Variants in SLC6A11 observed in about 807,000 individuals in gnomAD.
SLC6A11 encodes the protein solute carrier family 6 member 11, also known as sodium- and chloride-dependent GABA transporter 3.
In SLC6A11, 25 loss-of-function variants were observed where a neutral mutation model predicts 74.8. The ratio of observed to expected loss-of-function variants is 0.33; its 90% CI spans 0.24 to 0.47. The LOEUF (loss-of-function observed/expected upper bound fraction) is 0.47. Ranked by LOEUF, SLC6A11 falls within the 20% of genes least tolerant of loss-of-function variation. The pLI, the probability that SLC6A11 is intolerant of heterozygous loss-of-function variation, is 1.00. For missense variants in SLC6A11, 574 were observed against 837.0 expected (o/e 0.69, Z 3.88); for synonymous variants, 330 against 330.2 (o/e 1.00, Z 0.01).
chr3:10,833,871 C>CAG (rs1694330827), intron 4 of SLC6A11, among the ~76,000 whole-genome samples: 1 of 152,184 alleles, frequency 6.6e-6, no homozygotes, highest in Non-Finnish European at 1.5e-5. Context: ...TTGTATTTTT[C>CAG]ACATTGGATG....
At chr3:10,934,795 C>G (rs1695736673) in intron 12 of SLC6A11, among the ~76,000 whole-genome samples, 1 of 152,200 alleles carries the variant, frequency 6.6e-6, no homozygotes, top group African/African-American at 2.4e-5. Flanking sequence ...CAGCGAGGTC[C>G]CAGAACCCAG....
chr3:10,841,332 TTCTCCAAG>T (rs1332349143), intron 4 of SLC6A11, among the ~76,000 whole-genome samples: 1 of 152,168 alleles, frequency 6.6e-6, no homozygotes, highest in Non-Finnish European at 1.5e-5. Context: ...GAGCTGTGCC[TTCTCCAAG>T]TCTCCGGAGT....
Position 10,918,413 on chromosome 3 carries a change from G to A in SLC6A11, c.1080G>A (p.Ala360=), listed in dbSNP as rs750373137. The A allele has an allele frequency of 1.9e-5, 30 of 1,607,052 alleles. No individual in the cohort carries two copies. The highest frequency in any genetic ancestry group is 2.1e-5 in the Non-Finnish European group (25 of 1,177,626). ...TCTTCTCAGTCCTGGGTTTTATGGC[G>A]TACGAGCAGGGGGTACCCATTGCTG... ...FAIFSVLGFM[A]YEQGVPIAEV... The change falls in exon 8 of 14, where the codon GCG becomes GCA. Residue 360 remains alanine (A), a synonymous_variant. Coordinates refer to ENST00000254488, the MANE Select transcript of SLC6A11 (RefSeq NM_014229.3). This position sits in a 1 kb window ranked among gnomAD's most constrained non-coding sequence, Gnocchi z 4.5.
intron 6 of SLC6A11, among the ~76,000 whole-genome samples, chr3:10,895,049 T>C (rs1403243846): frequency 6.6e-6 from 1 of 152,188 alleles, no homozygotes; most frequent in African/African-American, 2.4e-5. Context: ...CTTCTTCCTC[T>C]GTGAAGTGGA....
rs1695795421 is a variant in SLC6A11 at position 10,939,245 on chromosome 3, AT to A, written c.*846del. 6.6e-6 allele frequency: 1 copy of A among 151,972 alleles called. No homozygotes were observed. The highest frequency in any genetic ancestry group is 6.6e-5 in the Admixed American group (1 of 15,252). 9.4% of individuals were successfully genotyped at this position (151,972 alleles called of 1,614,324 possible). On this transcript the variant is annotated 3_prime_UTR_variant, in exon 14 of 14. Coordinates refer to ENST00000254488, the MANE Select transcript of SLC6A11 (RefSeq NM_014229.3). ...GATGTGTGTTTTCCCTAAAACTCTA[AT>A]TTCATCTCATCTGTGGGCAGCCCTG...
chr3:10,921,442 G>C (rs1695535827), intron 8 of SLC6A11, among the ~76,000 whole-genome samples: 1 of 152,156 alleles, frequency 6.6e-6, no homozygotes, highest in Non-Finnish European at 1.5e-5. Context: ...TATAGTCTTG[G>C]TCCAATTGTT....
Position 10,933,190 on chromosome 3 carries a change from G to A in SLC6A11, c.1411G>A (p.Ala471Thr), listed in dbSNP as rs1695713649. The A allele has an allele frequency of 3.1e-6, 5 of 1,614,010 alleles. No homozygotes were observed. The highest frequency in any genetic ancestry group is 4.5e-5 in the East Asian group (2 of 44,864). ...CTTCCAGCTCTTTGACTCCTATGCCGCCAGTGGGATGTGCCTTCTCTTCGT... is the reference window on the plus strand; with the variant it reads ...CTTCCAGCTCTTTGACTCCTATGCCACCAGTGGGATGTGCCTTCTCTTCGT... ...YIFQLFDSYA[A>T]SGMCLLFVAI... The change falls in exon 11 of 14, where the codon GCC becomes ACC. Residue 471 changes from alanine to threonine, a missense_variant. Transcript: ENST00000254488.
chr3:10,855,212 A>G (rs754255727), intron 5 of SLC6A11, among the ~76,000 whole-genome samples: 3 of 152,212 alleles, frequency 2.0e-5, no homozygotes, highest in Admixed American at 1.3e-4. Context: ...CTGCTGATAC[A>G]AGCATCCTGT....
chr3:10,817,818 GGAGA>G (rs1469825819), intron 1 of SLC6A11, among the ~76,000 whole-genome samples: 1 of 152,172 alleles, frequency 6.6e-6, no homozygotes, highest in African/African-American at 2.4e-5. Flanking sequence ...GCTTGGCAAG[GGAGA>G]GAGAGGGAGT....
chr3:10,845,630 G>A (rs1694493349), intron 5 of SLC6A11, among the ~76,000 whole-genome samples: 1 of 152,154 alleles, frequency 6.6e-6, no homozygotes, highest in Non-Finnish European at 1.5e-5. Flanking sequence ...AAAGTTTGAG[G>A]TGGGCGGATC....
At position 10,926,774 on chromosome 3, in the gene SLC6A11, C is replaced by G. The variant is rs1695614107; in HGVS notation, c.1233+658C>G. On this transcript the variant is annotated intron_variant, in intron 9 of 13. Coordinates refer to ENST00000254488, the MANE Select transcript of SLC6A11 (RefSeq NM_014229.3). This position sits in a 1 kb window ranked among gnomAD's most constrained non-coding sequence, Gnocchi z 5.7. ...CACACAGCACGCAGGCGCTCGCTTC[C>G]CGCACTGAGCACACTCCAGACTCCC... Among the ~76,000 whole-genome samples, 1 of 152,146 alleles carries G rather than the reference C, an allele frequency of 6.6e-6. No homozygotes were observed. Among genetic ancestry groups the G allele is most frequent in the Admixed American group, 6.5e-5 (1 of 15,284 alleles).
intron 13 of SLC6A11, among the ~76,000 whole-genome samples, chr3:10,935,610 C>T (rs527841243): frequency 3.7e-4 from 57 of 152,306 alleles, no homozygotes; most frequent in African/African-American, 1.3e-3. Flanking sequence ...GCTGTATCTC[C>T]TGCCATCCTC....
At chr3:10,884,729 G>A (rs1695022641) in intron 6 of SLC6A11, among the ~76,000 whole-genome samples, 1 of 152,076 alleles carries the variant, frequency 6.6e-6, no homozygotes, top group African/African-American at 2.4e-5. Context: ...TCTTAGCCTT[G>A]GGCAGCTTTA....
intron 7 of SLC6A11, among the ~76,000 whole-genome samples, chr3:10,912,542 G>A (rs564478985): frequency 1.4e-4 from 22 of 152,304 alleles, no homozygotes; most frequent in African/African-American, 2.6e-4. Context: ...TTGTTCTCTC[G>A]CCTACTATTT....
intron 6 of SLC6A11, among the ~76,000 whole-genome samples, chr3:10,908,167 G>C (rs896667879): frequency 6.6e-6 from 1 of 152,146 alleles, no homozygotes; most frequent in Non-Finnish European, 1.5e-5. Flanking sequence ...TGTGATGGTT[G>C]TATGTTCTGA....
intron 9 of SLC6A11, among the ~76,000 whole-genome samples, chr3:10,928,894 G>A (rs561587867): frequency 7.2e-5 from 11 of 152,288 alleles, no homozygotes; most frequent in African/African-American, 2.4e-4. Context: ...GGCAGCATGC[G>A]GGAGAAGGAG....
chr3:10,932,299 T>C (rs1490346054), intron 10 of SLC6A11, among the ~76,000 whole-genome samples: 1 of 152,130 alleles, frequency 6.6e-6, no homozygotes, highest in Non-Finnish European at 1.5e-5. Context: ...CCCATGAAGA[T>C]GGACCACATA....
At chr3:10,914,601 C>A (rs1037406868) in intron 7 of SLC6A11, among the ~76,000 whole-genome samples, 28 of 152,082 alleles carry the variant, frequency 1.8e-4, no homozygotes, top group African/African-American at 6.3e-4. Flanking sequence ...GACCGGATGA[C>A]AATGAGATGC....
chr3:10,935,130 G>T lies in SLC6A11; in HGVS notation c.1677G>T (p.Leu559=), dbSNP rs1386428957. The change falls in exon 13 of 14, where the codon CTG becomes CTT. Residue 559 remains leucine, a synonymous_variant. Coordinates refer to ENST00000254488, the MANE Select transcript of SLC6A11 (RefSeq NM_014229.3). ...WGYGIGWLMA[L]SSMLCIPLWI... is the part of the protein sequence containing the mutation. ...ATGGCATTGGCTGGCTCATGGCCCT[G>T]TCCTCCATGCTCTGCATCCCGCTCT... 4 of 1,614,210 alleles carry T rather than the reference G, an allele frequency of 2.5e-6. No individual in the cohort carries two copies. Among genetic ancestry groups the T allele is most frequent in the Non-Finnish European group, 2.5e-6 (3 of 1,180,018 alleles).
Sources: allele counts gnomAD v4.1 joint callset (sites outside exome capture counted in the v4.1 genomes callset), GRCh38; gene constraint gnomAD v4.1.1; non-coding constraint Gnocchi (gnomAD v3.1); transcripts MANE v1.5; gene names NCBI Gene and HGNC (gene_info 2026-07-23, HGNC 2026-07-21).